TRPV1: variants seen among roughly 807,000 people sequenced by gnomAD.
TRPV1 encodes the protein transient receptor potential cation channel subfamily V member 1, also known as OTRPC1.
TRPV1 carries 82 observed loss-of-function variants against 82.3 expected under a neutral mutation model. That is an observed-to-expected ratio of 1.00 (90% CI 0.83 to 1.20). The LOEUF (loss-of-function observed/expected upper bound fraction) is 1.20. Ranked by LOEUF, TRPV1 falls within the 50% of genes most tolerant of loss-of-function variation. The pLI, the probability that TRPV1 is intolerant of heterozygous loss-of-function variation, is 0.00. For synonymous variants in TRPV1, 515 were observed against 467.7 expected (o/e 1.10, Z -1.30); for missense variants, 1,067 against 1,096.8 (o/e 0.97, Z 0.38).
intron 2 of TRPV1, among the ~76,000 whole-genome samples, chr17:3,593,157 G>A (rs1300178019): frequency 6.8e-6 from 1 of 147,958 alleles, no homozygotes. Context: ...TCACTCTGTC[G>A]CCCAGACTAG....
chr17:3,582,063 G>A (rs1462445789), intron 10 of TRPV1, among the ~76,000 whole-genome samples: 20 of 144,562 alleles, frequency 1.4e-4, no homozygotes, highest in South Asian at 6.6e-4. Context: ...GGTGGCGGGT[G>A]CCTGTAGTCC....
At chr17:3,572,099 T>C in intron 15 of TRPV1, 23 bp downstream of exon 15, 1 of 1,608,884 alleles carries the variant, frequency 6.2e-7, no homozygotes. Context: ...CAAGCCCTGA[T>C]TCAGGTGGAG....
chr17:3,603,115 C>T (rs1225141265), intron 2 of TRPV1, among the ~76,000 whole-genome samples: 1 of 150,498 alleles, frequency 6.6e-6, no homozygotes, highest in African/African-American at 2.4e-5. Flanking sequence ...AGCAAAACTC[C>T]ATCTCAAAAA....
intron 2 of TRPV1, chr17:3,595,657 A>G (rs578154869): frequency 6.6e-6 from 1 of 152,318 alleles, no homozygotes; most frequent in East Asian, 1.9e-4. Context: ...GCCCAGCAAG[A>G]GAGCACCTGT....
intron 10 of TRPV1, among the ~76,000 whole-genome samples, chr17:3,582,732 T>C (rs1415243187): frequency 8.6e-5 from 13 of 151,584 alleles, no homozygotes; most frequent in African/African-American, 2.4e-4. Context: ...CTGAGGCAGG[T>C]GGATCACCTG....
At position 3,591,342 on chromosome 17, in the gene TRPV1, T is replaced by C. The variant is rs764041756; in HGVS notation, c.296A>G (p.Gln99Arg). Residue 99 changes from glutamine to arginine, a missense_variant, in exon 4 of 17, where the codon CAG becomes CGG. Coordinates refer to ENST00000572705, the MANE Select transcript of TRPV1 (RefSeq NM_080704.4). ...CTCGGTGCTGGCGGCGACAGAGTCC[T>C]GGGACAGCAGCCTGTGGGCCAGAAA... ...DGPTGARLLS[Q>R]DSVAASTEKT... The C allele has an allele frequency of 1.3e-6, 2 of 1,581,092 alleles. No individual in the cohort carries two copies. The highest frequency in any genetic ancestry group is 1.7e-6 in the Non-Finnish European group (2 of 1,165,044).
chr17:3,566,903 T>A lies in TRPV1; in HGVS notation c.2432A>T (p.Glu811Val), dbSNP rs776232192. Reference sequence around the variant, plus strand: ...TGAAAACTGTCGCAGATAAACTTCCTCGGGCTGAGCAGACTGCCTATCTCG... The same window carrying A: ...TGAAAACTGTCGCAGATAAACTTCCACGGGCTGAGCAGACTGCCTATCTCG... ...SARDRQSAQPEEVYLRQFSGS... is the reference protein window; with the variant it reads ...SARDRQSAQPVEVYLRQFSGS... Residue 811 changes from glutamate (E) to valine (V), a missense_variant, in exon 17 of 17, where the codon GAG becomes GTG. Physicochemically the swap from Glu to Val is moderately radical, Grantham distance 121. Coordinates refer to ENST00000572705, the MANE Select transcript of TRPV1 (RefSeq NM_080704.4). The A allele has an allele frequency of 1.2e-6, 2 of 1,613,960 alleles. No individual in the cohort carries two copies. Among genetic ancestry groups the A allele is most frequent in the South Asian group, 2.2e-5 (2 of 91,076 alleles).
At chr17:3,597,424 T>C (rs1421656834) in intron 2 of TRPV1, among the ~76,000 whole-genome samples, 1 of 152,060 alleles carries the variant, frequency 6.6e-6, no homozygotes, top group Non-Finnish European at 1.5e-5. Context: ...GTTTTCAAAA[T>C]AAAGAGGGAA....
intron 10 of TRPV1, among the ~76,000 whole-genome samples, chr17:3,581,585 G>A (rs1227348572): frequency 6.6e-6 from 1 of 152,118 alleles, no homozygotes; most frequent in Non-Finnish European, 1.5e-5. Flanking sequence ...AAAGACTAGG[G>A]GATAAAAATC....
intron 1 of TRPV1, 122 bp from the exon 2 acceptor site, chr17:3,608,687 G>A (rs965065361): frequency 1.3e-5 from 2 of 152,150 alleles, no homozygotes; most frequent in Non-Finnish European, 2.9e-5. Flanking sequence ...CGTGGATAAG[G>A]GGGGACTACT....
Position 3,577,698 on chromosome 17 carries a change from A to G in TRPV1, c.1613T>C (p.Val538Ala). ...GGCCAGGGAGAATACCATGGAAGCCACATACTCCTTGAGGTGGCTGAAGTA... is the reference window on the plus strand; with the variant it reads ...GGCCAGGGAGAATACCATGGAAGCCGCATACTCCTTGAGGTGGCTGAAGTA... The part of the protein sequence containing the change: ...VLYFSHLKEY[V>A]ASMVFSLALG... Residue 538 changes from valine to alanine, a missense_variant, in exon 12 of 17, where the codon GTG becomes GCG. Transcript: ENST00000572705. 1 of 1,589,862 alleles carries G rather than the reference A, an allele frequency of 6.3e-7. No homozygotes were observed. The highest frequency in any genetic ancestry group is 1.1e-5 in the South Asian group (1 of 86,992).
intron 2 of TRPV1, chr17:3,592,645 T>C (rs2075174518): frequency 4.4e-6 from 2 of 458,314 alleles, no homozygotes; most frequent in South Asian, 2.6e-5. Context: ...GGCCCCCGGC[T>C]CAGAGCCATC....
At chr17:3,591,974 T>G in intron 3 of TRPV1, 93 bp downstream of exon 3, 1 of 1,489,862 alleles carries the variant, frequency 6.7e-7, no homozygotes, top group Admixed American at 2.2e-5. Flanking sequence ...CCCCTGGCTT[T>G]GTGACATTTA....
intron 13 of TRPV1, among the ~76,000 whole-genome samples, chr17:3,575,482 CA>C (rs2074917916): frequency 6.2e-5 from 2 of 32,154 alleles, no homozygotes; most frequent in Admixed American, 1.1e-3. Context: ...GACTCCTTCT[CA>C]AGAAAAAAAA....
intron 2 of TRPV1, chr17:3,601,780 G>A (rs1296975864): frequency 1.4e-5 from 2 of 144,920 alleles, no homozygotes; most frequent in Non-Finnish European, 3.0e-5. Flanking sequence ...TTTTTTGGTA[G>A]CAACAGAGTC....
intron 9 of TRPV1, chr17:3,585,525 A>AC: frequency 4.1e-6 from 2 of 485,530 alleles, no homozygotes; most frequent in Non-Finnish European, 3.7e-6. Context: ...GCCCCACAGG[A>AC]CCTCAAGGTT....
At chr17:3,583,051 T>C (rs2075041397) in intron 10 of TRPV1, among the ~76,000 whole-genome samples, 1 of 152,142 alleles carries the variant, frequency 6.6e-6, no homozygotes, top group Admixed American at 6.5e-5. Flanking sequence ...ATCCTATCAC[T>C]TAAGAGGCCT....
chr17:3,593,796 T>C (rs1231544273), intron 2 of TRPV1, among the ~76,000 whole-genome samples: 1 of 152,116 alleles, frequency 6.6e-6, no homozygotes, highest in Non-Finnish European at 1.5e-5. Context: ...GACCTCCTCC[T>C]GGGCAGGGAC....
Position 3,572,316 on chromosome 17 carries a change from GC to G in TRPV1, c.2104-68del, listed in dbSNP as rs2074865822. On this transcript the variant is annotated intron_variant, in intron 14 of 16. Coordinates refer to ENST00000572705, the MANE Select transcript of TRPV1 (RefSeq NM_080704.4). ...GGTGCATCCCGGGGCCACCCTGGCT[GC>G]CAGTATCCAGCTCCCCAGGGGCTCT... is the stretch of plus-strand genomic sequence containing the variant. 6 of 1,531,428 alleles carry G rather than the reference GC, an allele frequency of 3.9e-6. No homozygotes were observed. The East Asian group carries it at 1.5e-4, about 37-fold the overall frequency. 94.9% of individuals were successfully genotyped at this position (1,531,428 alleles called of 1,614,324 possible).
Sources: gnomAD v4.1 joint callset for allele counts (sites outside exome capture counted in the v4.1 genomes callset) on GRCh38, gnomAD v4.1.1 for gene constraint, MANE v1.5 for transcripts, NCBI Gene and HGNC (gene_info 2026-07-23, HGNC 2026-07-21) for gene names.